The following NAV1 variants were observed in gnomAD, a reference collection of about 807,000 sequenced individuals.
NAV1 encodes neuron navigator 1.
In NAV1, 18 loss-of-function variants were observed where a neutral mutation model predicts 175.2. The ratio of observed to expected loss-of-function variants is 0.10; its 90% CI spans 0.07 to 0.15. The LOEUF is 0.15. NAV1 is among the 10% of genes least tolerant of loss of function. The pLI is 1.00. For synonymous variants in NAV1, 897 were observed against 978.7 expected (o/e 0.92, Z 1.56); for missense variants, 1,731 against 2,436.6 (o/e 0.71, Z 6.10).
At chr1:201,768,479 A>C (rs1675353434) in intron 3 of NAV1, among the ~76,000 whole-genome samples, 1 of 152,024 alleles carries the variant, frequency 6.6e-6, no homozygotes, top group African/African-American at 2.4e-5. Context: ...GTCTACAAAA[A>C]ATTAAAAAAT....
Position 201,582,399 on chromosome 1 carries a change from AG to A in NAV1, c.-143-6137del, listed in dbSNP as rs1173332726. Among the ~76,000 whole-genome samples, 5 of 152,316 alleles carry A rather than the reference AG, an allele frequency of 3.3e-5. No individual in the cohort carries two copies. The South Asian group carries it at 6.2e-4, about 19-fold the overall frequency. ...GGAAGCACACAGGACCAGTATGGGA[AG>A]GGCTGGGCCTCCAAAGGGACTTGGA... On this transcript the variant is annotated intron_variant, in intron 1 of 33. Transcript: ENST00000685211.
upstream of NAV1, chr1:201,622,901 A>G (rs1439958709): frequency 6.1e-6 from 6 of 986,124 alleles, no homozygotes; most frequent in African/African-American, 8.7e-5. Flanking sequence ...GGGATGGCCA[A>G]TGTGAATCCC....
chr1:201,803,729 G>A lies in NAV1; in HGVS notation c.3639+15G>A, dbSNP rs201074198. 3.6e-4 allele frequency: 532 copies of A among 1,463,908 alleles called. 4 individuals are homozygous for A. The highest frequency in any genetic ancestry group is 1.2e-3 in the Admixed American group (54 of 44,864). The allele number at this position is 1,463,908 out of a possible 1,614,324, so 90.7% of individuals were successfully genotyped here. On this transcript the variant is annotated intron_variant, in intron 16 of 29. Coordinates refer to ENST00000367296, the Ensembl canonical transcript of NAV1. ...AAAAGAGTTGGGTAGGTAAAGGTTT[G>A]GGGGGTGGGAAGTAGGTAGAACCGT...
intron 2 of NAV1, among the ~76,000 whole-genome samples, chr1:201,591,340 G>A (rs16849076): frequency 0.048 from 7,351 of 152,246 alleles, 198 homozygotes; most frequent in Middle Eastern, 0.071. Flanking sequence ...TGACAGGTTG[G>A]CACCATAGGA....
At chr1:201,745,339 C>G (rs1396434598) in intron 3 of NAV1, among the ~76,000 whole-genome samples, 1 of 152,176 alleles carries the variant, frequency 6.6e-6, no homozygotes, top group East Asian at 1.9e-4. Flanking sequence ...CTTGATGTAA[C>G]CCATGGACTT....
intron 1 of NAV1, among the ~76,000 whole-genome samples, chr1:201,661,211 C>CCTT (rs1008110212): frequency 3.9e-5 from 6 of 152,130 alleles, no homozygotes; most frequent in African/African-American, 1.4e-4. Context: ...GTTCTAGAAC[C>CCTT]CTTGCACTAC....
At chr1:201,816,674 CTTT>C (rs35468878) in intron 28 of NAV1, among the ~76,000 whole-genome samples, 2 of 102,860 alleles carry the variant, frequency 1.9e-5, no homozygotes, top group African/African-American at 3.8e-5. Context: ...AGGAAGTGCA[CTTT>C]TTTTTTTTTT....
chr1:201,621,696 A>G (rs1323216814), upstream of NAV1, among the ~76,000 whole-genome samples: 1 of 151,982 alleles, frequency 6.6e-6, no homozygotes. Context: ...TTGCCCATAT[A>G]AAGATTTTAA....
chr1:201,586,215 A>G (rs1023292165), intron 1 of NAV1, among the ~76,000 whole-genome samples: 2 of 149,382 alleles, frequency 1.3e-5, no homozygotes, highest in Admixed American at 1.3e-4. Flanking sequence ...CCACAGAAAG[A>G]GACAGTCTGT....
At chr1:201,657,656 G>A (rs1334535434) in intron 1 of NAV1, among the ~76,000 whole-genome samples, 1 of 152,180 alleles carries the variant, frequency 6.6e-6, no homozygotes, top group Non-Finnish European at 1.5e-5. Context: ...ACCTGGCGGG[G>A]CTTTCTCCTG....
At chr1:201,561,782 G>T (rs1270724183) in intron 1 of NAV1, among the ~76,000 whole-genome samples, 7 of 152,182 alleles carry the variant, frequency 4.6e-5, no homozygotes, top group Non-Finnish European at 7.3e-5. Flanking sequence ...GCCTCCATGA[G>T]ATTAGGAACT....
At chr1:201,776,671 T>A (rs1003594049) in intron 3 of NAV1, among the ~76,000 whole-genome samples, 12 of 151,258 alleles carry the variant, frequency 7.9e-5, no homozygotes, top group African/African-American at 2.2e-4. Context: ...TGTTTTTTTT[T>A]AAAGGTACTA....
chr1:201,623,356 A>C, exon 1 of NAV1: 1 of 985,956 alleles, frequency 1.0e-6, no homozygotes, highest in Non-Finnish European at 1.2e-6. Context: ...AGAAACTCAA[A>C]TACCAGGGGC....
intron 3 of NAV1, among the ~76,000 whole-genome samples, chr1:201,767,111 G>A (rs540933478): frequency 1.2e-4 from 18 of 150,344 alleles, no homozygotes; most frequent in Non-Finnish European, 2.5e-4. Flanking sequence ...GAGCCACCGC[G>A]CCTGGCCCAC....
intron 1 of NAV1, among the ~76,000 whole-genome samples, chr1:201,625,531 G>A (rs766963976): frequency 6.6e-6 from 1 of 152,226 alleles, no homozygotes; most frequent in Non-Finnish European, 1.5e-5. Flanking sequence ...TGCCTGCAAA[G>A]TGCACTGATG....
chr1:201,807,872 T>C lies in NAV1; in HGVS notation c.3649-81T>C, dbSNP rs967722267. 1.5e-6 allele frequency: 2 copies of C among 1,372,614 alleles called. No homozygotes were observed. Among genetic ancestry groups the C allele is most frequent in the South Asian group, 1.2e-5 (1 of 81,640 alleles). 85.0% of individuals were successfully genotyped at this position (1,372,614 alleles called of 1,614,324 possible). The stretch of plus-strand genomic sequence containing the variant: ...AATCCCCCGCCTCCAGCTCTCTCTG[T>C]CTCAGAAGTCTCAATCCAGTCCTCC... On this transcript the variant is annotated intron_variant, in intron 17 of 29. Transcript: ENST00000367296. The surrounding 1 kb of genome is among the most constrained non-coding windows in gnomAD (Gnocchi z 5.4).
At chr1:201,572,370 C>CTTTTTTT (rs558471603) in intron 1 of NAV1, among the ~76,000 whole-genome samples, 2 of 136,466 alleles carry the variant, frequency 1.5e-5, no homozygotes, top group African/African-American at 2.8e-5. Context: ...TTCTTTCTTT[C>CTTTTTTT]TTTTTTTTTT....
chr1:201,765,209 T>G (rs1018462065), intron 3 of NAV1, among the ~76,000 whole-genome samples: 1 of 152,160 alleles, frequency 6.6e-6, no homozygotes, highest in African/African-American at 2.4e-5. Flanking sequence ...TTTATTTGCT[T>G]TAACTCCTTT....
At chr1:201,817,224 C>T (rs1406820009) in exon 29 of NAV1, 1 of 1,614,036 alleles carries the variant, frequency 6.2e-7, no homozygotes, top group Non-Finnish European at 8.5e-7. Flanking sequence ...AGCATTGCCT[C>T]ACCTCCCGAG....
Sources: gnomAD v4.1 joint callset for allele counts (sites outside exome capture counted in the v4.1 genomes callset) on GRCh38, gnomAD v4.1.1 for gene constraint, Gnocchi (gnomAD v3.1) non-coding constraint, MANE v1.5 for transcripts, NCBI Gene and HGNC (gene_info 2026-07-23, HGNC 2026-07-21) for gene names.